Variants in SLC9A1 observed in about 807,000 individuals in gnomAD.
The protein encoded by SLC9A1 is sodium/hydrogen exchanger 1.
A neutral mutation model predicts 67.9 loss-of-function variants in SLC9A1; 22 were observed. The ratio of observed to expected loss-of-function variants is 0.32; its 90% confidence interval spans 0.23 to 0.46. The LOEUF is 0.46. Ranked by LOEUF, SLC9A1 falls within the 20% of genes least tolerant of loss-of-function variation. The probability of loss-of-function intolerance (pLI) is 1.00; values close to 1 mark genes in which losing one functional copy is unlikely to be tolerated. For synonymous variants in SLC9A1, 421 were observed against 471.8 expected, an observed-to-expected ratio of 0.89 and a Z score of 1.40; for missense variants, 686 against 1,094.8, an observed-to-expected ratio of 0.63 and a Z score of 5.27.
intron 1 of SLC9A1, among the ~76,000 whole-genome samples, chr1:27,140,832 A>T (rs997043398): frequency 2.0e-5 from 3 of 152,172 alleles, no homozygotes; most frequent in South Asian, 2.1e-4. Flanking sequence ...GTTATGTAGG[A>T]GAAATGGCAC....
intron 6 of SLC9A1, 133 bp downstream of exon 6, chr1:27,103,090 C>A: frequency 1.4e-6 from 1 of 734,232 alleles, no homozygotes; most frequent in Admixed American, 2.1e-5. Flanking sequence ...TGGCGGCCTC[C>A]TGGGGCAGAG....
intron 1 of SLC9A1, among the ~76,000 whole-genome samples, chr1:27,151,718 A>C (rs1439101062): frequency 6.6e-6 from 1 of 152,224 alleles, no homozygotes; most frequent in African/African-American, 2.4e-5. Context: ...GCTAAGTGGC[A>C]GAGTGGTGGC....
chr1:27,141,493 C>T (rs11247611), intron 1 of SLC9A1, among the ~76,000 whole-genome samples: 12,342 of 152,320 alleles, frequency 0.081, 693 homozygotes, highest in South Asian at 0.18. Context: ...TCAGTGGTCA[C>T]TTGCACAGCC....
Position 27,146,999 on chromosome 1 carries a change from C to T in SLC9A1, c.352+6984G>A, listed in dbSNP as rs185089368. On this transcript the variant is annotated intron_variant, in intron 1 of 11. Transcript: ENST00000263980. ...AAAAATACAAAAATTAGGCCGGGCG[C>T]GGTGGCTCATGCCTGTAATATCAGG... is the stretch of plus-strand genomic sequence containing the variant. 7.9e-5 allele frequency among the ~76,000 whole-genome samples: 12 copies of T among 151,796 alleles called. No individual in the cohort carries two copies. In the East Asian group the frequency reaches 1.2e-3, roughly 15 times the overall value.
intron 2 of SLC9A1, among the ~76,000 whole-genome samples, chr1:27,113,147 G>T (rs1267409181): frequency 6.6e-6 from 1 of 152,034 alleles, no homozygotes; most frequent in African/African-American, 2.4e-5. Context: ...TAAGTAATTT[G>T]CCCAAGCTCA....
At chr1:27,152,039 G>A (rs2083531935) in intron 1 of SLC9A1, among the ~76,000 whole-genome samples, 1 of 152,218 alleles carries the variant, frequency 6.6e-6, no homozygotes. Context: ...CAACTGATGG[G>A]TAGGGAGGCG....
intron 1 of SLC9A1, among the ~76,000 whole-genome samples, chr1:27,136,091 T>C (rs956494833): frequency 1.3e-5 from 2 of 152,192 alleles, no homozygotes; most frequent in Non-Finnish European, 2.9e-5. Context: ...AATCTCCACC[T>C]GCAGAGCCTT....
At chr1:27,143,161 G>A (rs902735400) in intron 1 of SLC9A1, among the ~76,000 whole-genome samples, 1 of 151,532 alleles carries the variant, frequency 6.6e-6, no homozygotes, top group Non-Finnish European at 1.5e-5. Context: ...ACTTTATCAT[G>A]GACTCAGAAA....
chr1:27,131,947 A>AAAATAAATATAT, intron 1 of SLC9A1, among the ~76,000 whole-genome samples: 1 of 52,124 alleles, frequency 1.9e-5, no homozygotes, highest in African/African-American at 6.4e-5. Flanking sequence ...AGAAAAAAAA[A>AAAATAAATATAT]ATATATATAT....
At chr1:27,119,499 A>G (rs915023680) in intron 1 of SLC9A1, among the ~76,000 whole-genome samples, 3 of 152,154 alleles carry the variant, frequency 2.0e-5, no homozygotes, top group South Asian at 2.1e-4. Flanking sequence ...TCCCTCTTCA[A>G]CTGCCCCAGC....
chr1:27,122,005 A>T (rs899132824), intron 1 of SLC9A1, among the ~76,000 whole-genome samples: 2 of 152,140 alleles, frequency 1.3e-5, no homozygotes, highest in Non-Finnish European at 2.9e-5. Context: ...AGTCCTAGCT[A>T]CTCAGGAGAG....
chr1:27,151,469 T>C, intron 1 of SLC9A1, among the ~76,000 whole-genome samples: 1 of 152,148 alleles, frequency 6.6e-6, no homozygotes, highest in East Asian at 1.9e-4. Flanking sequence ...CAAGCGATCC[T>C]CCTGCCTTGG....
At chr1:27,135,155 T>G (rs368298231) in intron 1 of SLC9A1, among the ~76,000 whole-genome samples, 5 of 151,702 alleles carry the variant, frequency 3.3e-5, no homozygotes, top group East Asian at 3.9e-4. Context: ...GCTCAAGCAA[T>G]CCTCCCACTT....
At chr1:27,147,827 C>T (rs1272959252) in intron 1 of SLC9A1, among the ~76,000 whole-genome samples, 7 of 151,722 alleles carry the variant, frequency 4.6e-5, no homozygotes, top group Admixed American at 2.6e-4. Context: ...AAACCCCATC[C>T]CTACTAAAAA....
At chr1:27,116,087 C>T (rs2083270531) in intron 1 of SLC9A1, among the ~76,000 whole-genome samples, 2 of 152,078 alleles carry the variant, frequency 1.3e-5, no homozygotes, top group Admixed American at 6.5e-5. Context: ...TGGCTGGGCA[C>T]GGTAGCTCAC....
intron 1 of SLC9A1, among the ~76,000 whole-genome samples, chr1:27,143,260 G>T (rs184474854): frequency 6.6e-6 from 1 of 152,080 alleles, no homozygotes; most frequent in Non-Finnish European, 1.5e-5. Flanking sequence ...CCTCCTGAAT[G>T]ATGTTCCTCT....
At chr1:27,110,563 T>C (rs751891752) in intron 2 of SLC9A1, among the ~76,000 whole-genome samples, 12 of 152,232 alleles carry the variant, frequency 7.9e-5, no homozygotes, top group South Asian at 2.1e-4. Flanking sequence ...TGGCACTTCA[T>C]ACACTGTAAA....
intron 1 of SLC9A1, among the ~76,000 whole-genome samples, chr1:27,124,318 GA>G (rs202225750): frequency 4.9e-4 from 74 of 149,506 alleles, no homozygotes; most frequent in African/African-American, 1.2e-3. Flanking sequence ...AAATCTGAGA[GA>G]AAAAAAAAAT....
intron 1 of SLC9A1, among the ~76,000 whole-genome samples, chr1:27,130,056 T>C (rs998886588): frequency 6.6e-6 from 1 of 152,214 alleles, no homozygotes; most frequent in Non-Finnish European, 1.5e-5. Flanking sequence ...TGTGTGACCT[T>C]GGGCAGGTCA....
Sources: allele counts gnomAD v4.1 joint callset (sites outside exome capture counted in the v4.1 genomes callset), GRCh38; gene constraint gnomAD v4.1.1; transcripts MANE v1.5; gene names NCBI Gene and HGNC (gene_info 2026-07-23, HGNC 2026-07-21).